Variants in AXDND1 observed in about 807,000 individuals in gnomAD.
AXDND1 encodes the protein axonemal dynein light chain domain-containing protein 1.
Under a neutral mutation model 137.5 loss-of-function variants are expected in AXDND1, and 110 were observed. The observed-to-expected ratio is 0.80, with a 90% CI of 0.69 to 0.94. AXDND1 has a LOEUF of 0.94. Among genes scored for constraint, AXDND1 ranks in the 40% least tolerant of loss-of-function variants. The pLI, the probability that AXDND1 is intolerant of heterozygous loss-of-function variation, is 0.00. For missense variants in AXDND1, 1,191 were observed against 1,169.8 expected, an observed-to-expected ratio of 1.02 and a Z score of -0.26; for synonymous variants, 414 against 399.7, an observed-to-expected ratio of 1.04 and a Z score of -0.43.
intron 16 of AXDND1, chr1:179,449,075 A>C (rs1187097629): frequency 1.8e-5 from 8 of 440,302 alleles, no homozygotes; most frequent in Non-Finnish European, 3.6e-5. Context: ...TTGTAGAGAC[A>C]GGATCTCACC....
At chr1:179,371,442 CAA>C (rs1668027248) in intron 4 of AXDND1, among the ~76,000 whole-genome samples, 1 of 151,892 alleles carries the variant, frequency 6.6e-6, no homozygotes, top group African/African-American at 2.4e-5. Flanking sequence ...CAAAACAAAA[CAA>C]AAAATAAAGT....
intron 17 of AXDND1, among the ~76,000 whole-genome samples, chr1:179,476,645 TTTC>T (rs1664671460): frequency 6.6e-6 from 1 of 152,186 alleles, no homozygotes; most frequent in South Asian, 2.1e-4. Flanking sequence ...TTGACATTTT[TTTC>T]TTCTTTAGGC....
intron 15 of AXDND1, among the ~76,000 whole-genome samples, chr1:179,437,559 T>A (rs1344194989): frequency 6.6e-6 from 1 of 152,210 alleles, no homozygotes; most frequent in South Asian, 2.1e-4. Context: ...CACAGGCCTT[T>A]GGCTCCCTAC....
rs1649030906 is a variant in AXDND1 at position 179,385,350 on chromosome 1, C to T, written c.854C>T (p.Ser285Phe). ...VDCADRGELLSKVRERYVQML... is the reference protein window; with the variant it reads ...VDCADRGELLFKVRERYVQML... ...TGTGCAGACAGAGGAGAACTTCTGT[C>T]TAAAGTCAGGTTAGTGCTGTTATTG... The change falls in exon 9 of 26, where the codon TCT (serine) becomes TTT (phenylalanine). Residue 285 changes from serine to phenylalanine, a missense_variant. Transcript: ENST00000367618. 2.5e-6 allele frequency: 4 copies of T among 1,614,002 alleles called. 1 individual carries two copies. The East Asian group carries it at 8.9e-5, about 36-fold the overall frequency.
intron 16 of AXDND1, among the ~76,000 whole-genome samples, chr1:179,460,879 C>T (rs1662224695): frequency 6.6e-6 from 1 of 152,180 alleles, no homozygotes; most frequent in African/African-American, 2.4e-5. Context: ...ATATCCTTCG[C>T]CCACTTGTTG....
intron 25 of AXDND1, chr1:179,546,085 C>T (rs766062577): frequency 6.6e-6 from 1 of 152,184 alleles, no homozygotes; most frequent in Non-Finnish European, 1.5e-5. Flanking sequence ...TTCATCCTTA[C>T]ATTATTCTGC....
At chr1:179,462,140 G>T (rs11585713) in intron 16 of AXDND1, among the ~76,000 whole-genome samples, 14,614 of 152,184 alleles carry the variant, frequency 0.096, 917 homozygotes, top group South Asian at 0.21. Context: ...CAAAGGGAAT[G>T]CTTCCTGTTT....
rs188955916 is a variant in AXDND1, at chr1:179,538,903, G to T, written c.3031+3941G>T. ...GTATTGGGTGCATATATATTTAGGA[G>T]AGTTAGCTCTTGTTGTTGCATTGAT... On this transcript the variant is annotated intron_variant, in intron 25 of 25. Coordinates refer to ENST00000367618, the MANE Select transcript of AXDND1 (RefSeq NM_144696.6). 1.0e-2 allele frequency among the ~76,000 whole-genome samples: 1,498 copies of T among 149,970 alleles called. 9 individuals are homozygous for T. The highest frequency in any genetic ancestry group is 0.021 in the Middle Eastern group (6 of 288).
At chr1:179,439,277 A>C (rs1658645539) in intron 15 of AXDND1, among the ~76,000 whole-genome samples, 1 of 152,224 alleles carries the variant, frequency 6.6e-6, no homozygotes, top group South Asian at 2.1e-4. Flanking sequence ...AGTTACATTA[A>C]TAGAACCAAG....
chr1:179,407,861 C>T (rs1558133995), intron 11 of AXDND1, among the ~76,000 whole-genome samples: 1 of 152,150 alleles, frequency 6.6e-6, no homozygotes, highest in Admixed American at 6.5e-5. Flanking sequence ...TCCATCTCTT[C>T]TCTTTCCGAA....
intron 12 of AXDND1, among the ~76,000 whole-genome samples, chr1:179,421,035 CCCTTCCTTCCTT>C (rs143579938): frequency 0.097 from 13,089 of 134,644 alleles, 748 homozygotes; most frequent in African/African-American, 0.13. Context: ...ATTTGGGTAT[CCCTTCCTTCCTT>C]CCTTCCTTCC....
intron 16 of AXDND1, 136 bp from the exon 17 acceptor site, chr1:179,468,307 C>A: frequency 1.7e-6 from 1 of 603,946 alleles, no homozygotes; most frequent in Non-Finnish European, 2.8e-6. Context: ...TTGTAAGGTT[C>A]TCTGCTAGTC....
chr1:179,544,680 A>AAAAG (rs965507198), intron 25 of AXDND1: 1 of 151,636 alleles, frequency 6.6e-6, no homozygotes, highest in Admixed American at 6.6e-5. Flanking sequence ...TCTCAAAAAA[A>AAAAG]AAAAAAAAAG....
chr1:179,461,752 G>T (rs1473683337), intron 16 of AXDND1, among the ~76,000 whole-genome samples: 1 of 152,106 alleles, frequency 6.6e-6, no homozygotes, highest in African/African-American at 2.4e-5. Context: ...AGTTTTCCTT[G>T]AAGAGGTCCT....
At chr1:179,488,531 G>A (rs897729955) in intron 18 of AXDND1, among the ~76,000 whole-genome samples, 1 of 147,666 alleles carries the variant, frequency 6.8e-6, no homozygotes, top group African/African-American at 2.6e-5. Context: ...CTCCCAAAGT[G>A]CTGGGATTAC....
chr1:179,476,393 T>C (rs1344281014), intron 17 of AXDND1, among the ~76,000 whole-genome samples: 4 of 152,192 alleles, frequency 2.6e-5, no homozygotes, highest in African/African-American at 7.2e-5. Context: ...AGTTAAGAAA[T>C]AGAAAATATG....
chr1:179,381,063 G>A (rs1469936520), intron 6 of AXDND1, among the ~76,000 whole-genome samples: 4 of 130,520 alleles, frequency 3.1e-5, no homozygotes, highest in East Asian at 2.1e-4. Context: ...TCTTTGAGAC[G>A]GAGTTTCGCT....
intron 2 of AXDND1, 136 bp from the exon 3 acceptor site, chr1:179,368,664 T>G (rs41267586): frequency 0.012 from 8,147 of 695,350 alleles, 59 homozygotes; most frequent in Non-Finnish European, 0.014. Context: ...TCAATATTAT[T>G]TGTTACTATC....
chr1:179,492,295 G>T (rs1353862445), intron 19 of AXDND1, among the ~76,000 whole-genome samples: 1 of 151,904 alleles, frequency 6.6e-6, no homozygotes, highest in Admixed American at 6.6e-5. Context: ...GGCTGGTCTC[G>T]AACTCCTGAT....
Sources: gnomAD v4.1 joint callset for allele counts (sites outside exome capture counted in the v4.1 genomes callset) on GRCh38, gnomAD v4.1.1 for gene constraint, MANE v1.5 for transcripts, NCBI Gene and HGNC (gene_info 2026-07-23, HGNC 2026-07-21) for gene names.